BMPR1B: variants seen among roughly 807,000 people sequenced by gnomAD.
The protein encoded by BMPR1B is bone morphogenetic protein receptor type 1B.
A neutral mutation model predicts 59.1 loss-of-function variants in BMPR1B; 12 were observed. The ratio of observed to expected loss-of-function variants is 0.20; its 90% CI spans 0.13 to 0.33. BMPR1B has a LOEUF of 0.33. BMPR1B is among the 10% of genes least tolerant of loss of function. BMPR1B has a pLI of 1.00. For missense variants in BMPR1B, 550 were observed against 610.9 expected, an observed-to-expected ratio of 0.90 and a Z score of 1.05; for synonymous variants, 237 against 207.3, an observed-to-expected ratio of 1.14 and a Z score of -1.23.
chr4:95,044,290 AT>A, intron 3 of BMPR1B, among the ~76,000 whole-genome samples: 3 of 152,226 alleles, frequency 2.0e-5, no homozygotes, highest in Non-Finnish European at 2.9e-5. Flanking sequence ...TTTAAACTTT[AT>A]TAAGTCTGTC....
At chr4:95,020,343 G>C (rs956176945) in intron 3 of BMPR1B, among the ~76,000 whole-genome samples, 7 of 152,294 alleles carry the variant, frequency 4.6e-5, no homozygotes, top group South Asian at 2.1e-4. Context: ...ACTTTGGGAG[G>C]CCGAGGCGGG....
intron 2 of BMPR1B, among the ~76,000 whole-genome samples, chr4:94,972,661 C>A (rs957261193): frequency 6.6e-6 from 1 of 151,766 alleles, no homozygotes; most frequent in Admixed American, 6.6e-5. Context: ...ATATAATTAT[C>A]AGTGAACATG....
intron 1 of BMPR1B, among the ~76,000 whole-genome samples, chr4:94,866,888 A>G (rs1473025668): frequency 1.3e-5 from 2 of 152,006 alleles, no homozygotes; most frequent in Non-Finnish European, 2.9e-5. Flanking sequence ...AGCCTCATTC[A>G]TTGTTTATTT....
intron 3 of BMPR1B, among the ~76,000 whole-genome samples, chr4:95,026,098 A>ATTTCTTTCTTTCTTTCTTTTTTTCTTTC (rs1724344470): frequency 3.9e-5 from 4 of 101,622 alleles, no homozygotes; most frequent in Non-Finnish European, 6.4e-5. Context: ...GCTTTCTTTC[A>ATTTCTTTCTTTCTTTCTTTTTTTCTTTC]TTTCTTTCTT....
intron 1 of BMPR1B, among the ~76,000 whole-genome samples, chr4:94,779,843 G>GA (rs1252695576): frequency 3.1e-4 from 44 of 143,940 alleles, no homozygotes; most frequent in African/African-American, 8.7e-4. Context: ...AAAAACATTA[G>GA]AAAAAAAAAA....
At chr4:94,974,267 C>A (rs1285119442) in intron 2 of BMPR1B, among the ~76,000 whole-genome samples, 1 of 152,094 alleles carries the variant, frequency 6.6e-6, no homozygotes, top group Non-Finnish European at 1.5e-5. Flanking sequence ...TTAACACTTT[C>A]TTCTATTTCT....
chr4:94,887,358 T>A (rs1444760278), intron 2 of BMPR1B, among the ~76,000 whole-genome samples: 1 of 93,516 alleles, frequency 1.1e-5, no homozygotes, highest in Non-Finnish European at 2.1e-5. Flanking sequence ...TGAATTTTCA[T>A]ACAAATCAAT....
At chr4:94,961,824 A>T (rs559937574) in intron 2 of BMPR1B, among the ~76,000 whole-genome samples, 75 of 152,300 alleles carry the variant, frequency 4.9e-4, no homozygotes, top group African/African-American at 1.8e-3. Flanking sequence ...TTATGAATGC[A>T]TAATAGTTGT....
At chr4:95,005,145 G>GT (rs772424570) in intron 3 of BMPR1B, among the ~76,000 whole-genome samples, 7 of 152,052 alleles carry the variant, frequency 4.6e-5, no homozygotes, top group Non-Finnish European at 1.0e-4. Flanking sequence ...TTCCCATAGT[G>GT]TATGTTCCTT....
intron 1 of BMPR1B, among the ~76,000 whole-genome samples, chr4:94,847,746 C>G (rs1443629807): frequency 6.7e-6 from 1 of 148,280 alleles, no homozygotes; most frequent in Non-Finnish European, 1.5e-5. Flanking sequence ...AACAACTGAA[C>G]TTGTGGAGAT....
intron 2 of BMPR1B, among the ~76,000 whole-genome samples, chr4:94,932,126 ACTT>A (rs1188956010): frequency 3.9e-5 from 6 of 152,164 alleles, no homozygotes; most frequent in Middle Eastern, 3.4e-3. Context: ...CATTGCCCTA[ACTT>A]CTTCTTCCAT....
chr4:94,814,611 TAATTGTTGTGAGAATTA>T (rs1723941335), intron 1 of BMPR1B, among the ~76,000 whole-genome samples: 1 of 152,192 alleles, frequency 6.6e-6, no homozygotes, highest in Admixed American at 6.5e-5. Context: ...TACCCTTATT[TAATTGTTGTGAGAATTA>T]AATAAGTTAA....
At position 94,887,727 on chromosome 4, in the gene BMPR1B, G is replaced by A. The variant is rs548075121; in HGVS notation, c.-113+11827G>A. 3.9e-5 allele frequency among the ~76,000 whole-genome samples: 6 copies of A among 152,054 alleles called. No individual in the cohort carries two copies. The East Asian group carries it at 1.2e-3, about 29-fold the overall frequency. On this transcript the variant is annotated intron_variant, in intron 2 of 12. Transcript: ENST00000515059. ...GGATACAAATGACACGAAGCAAAAT[G>A]GGTCATAGAGAAAGTGGTGGAAATG... is the stretch of plus-strand genomic sequence containing the variant.
At chr4:95,048,873 A>C (rs1726229791) in intron 3 of BMPR1B, among the ~76,000 whole-genome samples, 1 of 152,198 alleles carries the variant, frequency 6.6e-6, no homozygotes, top group South Asian at 2.1e-4. Flanking sequence ...CAGGGGCCTA[A>C]TATGCCATTT....
At position 94,819,370 on chromosome 4, in the gene BMPR1B, A is replaced by G. The variant is rs985868207; in HGVS notation, c.-182-56461A>G. Among the ~76,000 whole-genome samples the G allele has an allele frequency of 1.4e-4, 21 of 152,302 alleles. No individual in the cohort carries two copies. In the South Asian group the frequency reaches 4.1e-3, roughly 30 times the overall value. On this transcript the variant is annotated intron_variant, in intron 1 of 12. Coordinates refer to ENST00000515059, the MANE Select transcript of BMPR1B (RefSeq NM_001203.3). ...GCTGTGATACCAATATAAGCAGCTC[A>G]TGAACTGAACTAATTTGAGCTAAAA...
chr4:94,904,148 T>C (rs932672130), intron 2 of BMPR1B, among the ~76,000 whole-genome samples: 4 of 152,032 alleles, frequency 2.6e-5, no homozygotes, highest in African/African-American at 9.7e-5. Flanking sequence ...GTTTGTGTCA[T>C]TCTTTATATT....
chr4:94,835,552 T>C (rs1181028693), intron 1 of BMPR1B, among the ~76,000 whole-genome samples: 1 of 152,234 alleles, frequency 6.6e-6, no homozygotes, highest in Non-Finnish European at 1.5e-5. Flanking sequence ...CAAAACTTTT[T>C]ACACTGCAGT....
intron 2 of BMPR1B, among the ~76,000 whole-genome samples, chr4:94,956,766 A>G (rs1730155132): frequency 6.6e-6 from 1 of 151,966 alleles, no homozygotes; most frequent in Non-Finnish European, 1.5e-5. Flanking sequence ...TGATGGAAGT[A>G]GAGTTTGATT....
chr4:94,976,720 G>C (rs974914041), intron 2 of BMPR1B, among the ~76,000 whole-genome samples: 1 of 152,148 alleles, frequency 6.6e-6, no homozygotes, highest in African/African-American at 2.4e-5. Context: ...ACATTCAATG[G>C]TGGGGCAAGC....
Sources: allele counts gnomAD v4.1 joint callset (sites outside exome capture counted in the v4.1 genomes callset), GRCh38; gene constraint gnomAD v4.1.1; transcripts MANE v1.5; gene names NCBI Gene and HGNC (gene_info 2026-07-23, HGNC 2026-07-21).